Variants in YBEY observed in about 807,000 individuals in gnomAD.
YBEY encodes the protein endoribonuclease YbeY.
Under a neutral mutation model 13.5 loss-of-function variants are expected in YBEY, and 15 were observed. That is an observed-to-expected ratio of 1.11 (90% CI 0.75 to 1.72). The LOEUF (loss-of-function observed/expected upper bound fraction) is 1.72. YBEY is among the 40% of genes most tolerant of loss of function. The pLI is 0.00. For synonymous variants in YBEY, 101 were observed against 83.1 expected, an observed-to-expected ratio of 1.21 and a Z score of -1.17; for missense variants, 244 against 208.4, an observed-to-expected ratio of 1.17 and a Z score of -1.05.
rs1329483839 is a variant in YBEY, at chr21:46,296,053, TG to T, written c.340-105del. On this transcript the variant is annotated intron_variant, in intron 3 of 4. Transcript: ENST00000397701. Reference sequence around the variant, plus strand: ...CTGCCCAGGGGTCTCACAGCAACCCTGGGGTCCTGCAGCCACATACCAAGAG... The same window carrying T: ...CTGCCCAGGGGTCTCACAGCAACCCTGGGTCCTGCAGCCACATACCAAGAG... The T allele has an allele frequency of 8.6e-6, 10 of 1,157,420 alleles. No homozygotes were observed. In the African/African-American group the frequency reaches 1.2e-4, roughly 14 times the overall value. The allele number at this position is 1,157,420 out of a possible 1,614,324, so 71.7% of individuals were successfully genotyped here.
At chr21:46,291,018 GGAAA>G (rs2081678878) in intron 2 of YBEY, among the ~76,000 whole-genome samples, 2 of 134,048 alleles carry the variant, frequency 1.5e-5, no homozygotes, top group African/African-American at 2.8e-5. Context: ...CTCTGTCTCA[GGAAA>G]AAAAAAAAAA....
At chr21:46,297,411 G>A (rs112163820) in intron 4 of YBEY, 128 bp from the exon 5 acceptor site, 8 of 909,734 alleles carry the variant, frequency 8.8e-6, no homozygotes, top group Non-Finnish European at 1.0e-5. Context: ...CCTTCGGCCT[G>A]AGCTAGAGCC....
At chr21:46,306,377 T>A in the YBEY span, among the ~76,000 whole-genome samples, 1,238 of 152,130 alleles carry the variant, frequency 8.1e-3, 19 homozygotes, top group African/African-American at 0.028. Context: ...CACACGCCTG[T>A]AGTCCCAGCT....
intron 3 of YBEY, 84 bp downstream of exon 3, chr21:46,291,546 T>C (rs576724657): frequency 6.4e-7 from 1 of 1,574,758 alleles, no homozygotes; most frequent in Admixed American, 1.9e-5. Flanking sequence ...CCTGCATCCA[T>C]GTGTGTCCGT....
At chr21:46,291,805 C>G in intron 3 of YBEY, 1 of 1,082,332 alleles carries the variant, frequency 9.2e-7, no homozygotes, top group Non-Finnish European at 1.1e-6. Context: ...GGAGCCTCCA[C>G]CACCTTCCAG....
chr21:46,295,904 TG>T (rs1569103811), intron 3 of YBEY, among the ~76,000 whole-genome samples: 4 of 142,688 alleles, frequency 2.8e-5, no homozygotes. Context: ...AGTTCCATCC[TG>T]GGGGCCCCTC....
Position 46,297,608 on chromosome 21 carries a change from AC to A in YBEY, c.481del (p.Arg161GlyfsTer32). On this transcript the variant is annotated frameshift_variant, in exon 5 of 5. Transcript: ENST00000397701. LOFTEE classifies it high-confidence loss of function. Reference protein sequence around the residue: ...RRTGTRLQPLTRGLFGGS With the variant: ...RRTGTRLQPLXRGLFGGS ...CACGGGGACCCGGCTGCAGCCCCTG[AC>A]CCGGGGCCTCTTCGGAGGGAGCTGA... The A allele has an allele frequency of 7.3e-7, 1 of 1,364,164 alleles. No homozygotes were observed. The highest frequency in any genetic ancestry group is 9.6e-7 in the Non-Finnish European group (1 of 1,043,726). The allele number at this position is 1,364,164 out of a possible 1,614,324, so 84.5% of individuals were successfully genotyped here. A position where few individuals can be genotyped will look rare whatever the true frequency, so the allele number is the denominator to read the frequency against.
At chr21:46,286,635 C>G in intron 1 of YBEY, 1 of 284,334 alleles carries the variant, frequency 3.5e-6, no homozygotes, top group Non-Finnish European at 6.5e-6. Context: ...AACCCGCCCC[C>G]TTTTCTCTGG....
chr21:46,308,680 A>G, the YBEY span, among the ~76,000 whole-genome samples: 22 of 151,838 alleles, frequency 1.4e-4, no homozygotes, highest in Admixed American at 7.9e-4. Context: ...TCTCATTGCT[A>G]TGGTTGGAAC....
Position 46,291,734 on chromosome 21 carries a change from G to C in YBEY, c.339+272G>C, listed in dbSNP as rs73906996. On this transcript the variant is annotated intron_variant, in intron 3 of 4. Coordinates refer to ENST00000397701, the MANE Select transcript of YBEY (RefSeq NM_001314025.2). ...TTATCTCTGGAGTAGAGCAGACTAT[G>C]TTGAGCTAACACAGACCTGCTGAAT... 1,078 of 1,199,364 alleles carry C rather than the reference G, an allele frequency of 9.0e-4. 12 individuals carry two copies. The African/African-American group carries it at 0.016, about 18-fold the overall frequency. 74.3% of individuals were successfully genotyped at this position (1,199,364 alleles called of 1,614,324 possible).
downstream of YBEY, chr21:46,301,472 C>G (rs1035913678): frequency 2.4e-6 from 2 of 831,728 alleles, no homozygotes; most frequent in African/African-American, 6.3e-5. Context: ...TGTGCCACAG[C>G]TGTGGACACA....
At chr21:46,304,625 G>A in the YBEY span, among the ~76,000 whole-genome samples, 5 of 152,340 alleles carry the variant, frequency 3.3e-5, no homozygotes, top group East Asian at 9.6e-4. Context: ...AATGCCAAGT[G>A]TTGGTGAAGT....
Position 46,297,611 on chromosome 21 carries a change from CG to C in YBEY, c.485del (p.Gly162AlafsTer31), listed in dbSNP as rs1395493439. On this transcript the variant is annotated frameshift_variant, in exon 5 of 5. Transcript: ENST00000397701. LOFTEE classifies it high-confidence loss of function. The stretch of plus-strand genomic sequence containing the variant: ...GGGGACCCGGCTGCAGCCCCTGACC[CG>C]GGGCCTCTTCGGAGGGAGCTGAGGG... The part of the protein sequence containing the change: ...RTGTRLQPLT[R>X]GLFGGS 1 of 1,363,956 alleles carries C rather than the reference CG, an allele frequency of 7.3e-7. No homozygotes were observed. Among genetic ancestry groups the C allele is most frequent in the Non-Finnish European group, 9.6e-7 (1 of 1,043,952 alleles). 84.5% of individuals were successfully genotyped at this position (1,363,956 alleles called of 1,614,324 possible).
At chr21:46,303,730 TATA>T in the YBEY span, among the ~76,000 whole-genome samples, 16 of 28,732 alleles carry the variant, frequency 5.6e-4, no homozygotes, top group Admixed American at 1.7e-3. Flanking sequence ...TATATATATA[TATA>T]TATATATATA....
downstream of YBEY, chr21:46,300,882 A>C (rs2082084190): frequency 9.4e-6 from 10 of 1,059,476 alleles, no homozygotes; most frequent in Non-Finnish European, 1.1e-5. Flanking sequence ...TTGCACCCAA[A>C]AAAAAAAGTA....
Position 46,295,956 on chromosome 21 carries a change from A to G in YBEY, c.340-206A>G, listed in dbSNP as rs549865531. Among the ~76,000 whole-genome samples, 6 of 152,116 alleles carry G rather than the reference A, an allele frequency of 3.9e-5. No homozygotes were observed. In the South Asian group the frequency reaches 6.2e-4, roughly 16 times the overall value. ...GCCCAGACAGCAATCCACGTTGACT[A>G]AAGACTCTCAAAGGGGCTTGCTTGC... is the stretch of plus-strand genomic sequence containing the variant. On this transcript the variant is annotated intron_variant, in intron 3 of 4. Coordinates refer to ENST00000397701, the MANE Select transcript of YBEY (RefSeq NM_001314025.2).
At chr21:46,296,749 C>G (rs2081966130) in intron 4 of YBEY, among the ~76,000 whole-genome samples, 1 of 151,810 alleles carries the variant, frequency 6.6e-6, no homozygotes, top group Admixed American at 6.6e-5. Context: ...AATCCCAGCA[C>G]TTTGGGAGGC....
chr21:46,302,696 C>G (rs1556338), downstream of YBEY: 37,383 of 774,356 alleles, frequency 0.048, 1,543 homozygotes, highest in Non-Finnish European at 0.06. Context: ...GTCCCCGGGG[C>G]AGGCTCTGAG....
intron 3 of YBEY, among the ~76,000 whole-genome samples, chr21:46,293,549 C>CTT (rs1569100657): frequency 1.1e-4 from 1 of 8,812 alleles, no homozygotes; most frequent in African/African-American, 5.2e-4. Flanking sequence ...ATTCCTCCCG[C>CTT]GGTTAGCCTG....
Sources: allele counts gnomAD v4.1 joint callset (sites outside exome capture counted in the v4.1 genomes callset), GRCh38; gene constraint gnomAD v4.1.1; transcripts MANE v1.5; gene names NCBI Gene and HGNC (gene_info 2026-07-23, HGNC 2026-07-21).